COG5: variants seen among roughly 807,000 people sequenced by gnomAD.
The protein encoded by COG5 is component of oligomeric golgi complex 5.
Under a neutral mutation model 110.4 loss-of-function variants are expected in COG5, and 86 were observed. That is an observed-to-expected ratio of 0.78 (90% CI 0.65 to 0.93). COG5 has a LOEUF of 0.93. Ranked by LOEUF, COG5 falls within the 40% of genes least tolerant of loss-of-function variation. The pLI is 0.00. For missense variants in COG5, 1,077 were observed against 987.0 expected (o/e 1.09, Z -1.22); for synonymous variants, 360 against 334.6 (o/e 1.08, Z -0.83).
intron 6 of COG5, among the ~76,000 whole-genome samples, chr7:107,522,295 C>T (rs1800384659): frequency 6.6e-6 from 1 of 152,140 alleles, no homozygotes; most frequent in African/African-American, 2.4e-5. Flanking sequence ...ATGGAGAAGC[C>T]CTGTCTCTAC....
chr7:107,507,150 T>C (rs1223873052), intron 6 of COG5, among the ~76,000 whole-genome samples: 1 of 152,122 alleles, frequency 6.6e-6, no homozygotes, highest in Non-Finnish European at 1.5e-5. Flanking sequence ...TCTCTTCCAC[T>C]CTCACCCTCT....
At chr7:107,477,729 T>G (rs1310366500) in intron 6 of COG5, among the ~76,000 whole-genome samples, 2 of 151,890 alleles carry the variant, frequency 1.3e-5, no homozygotes. Flanking sequence ...GTGTTAAAAA[T>G]TTAGCTTCAA....
intron 6 of COG5, among the ~76,000 whole-genome samples, chr7:107,524,244 A>G (rs1207091600): frequency 1.3e-5 from 2 of 152,120 alleles, no homozygotes; most frequent in Non-Finnish European, 1.5e-5. Context: ...ATTCCAGAAC[A>G]TTTTCATCAC....
At chr7:107,207,490 C>T (rs550751841) in intron 21 of COG5, among the ~76,000 whole-genome samples, 1 of 152,134 alleles carries the variant, frequency 6.6e-6, no homozygotes, top group Non-Finnish European at 1.5e-5. Flanking sequence ...TACTCCTACT[C>T]AAAGAGGGCC....
chr7:107,415,036 T>A (rs1389752463), intron 6 of COG5, among the ~76,000 whole-genome samples: 1 of 152,110 alleles, frequency 6.6e-6, no homozygotes. Flanking sequence ...CACTGTCCCT[T>A]CTTTTACTAG....
chr7:107,222,803 G>C (rs1334979638), intron 19 of COG5, among the ~76,000 whole-genome samples: 7 of 152,132 alleles, frequency 4.6e-5, no homozygotes, highest in Non-Finnish European at 8.8e-5. Context: ...ATCATTCTTA[G>C]AGCATAATAT....
At chr7:107,378,328 A>G (rs969574232) in intron 7 of COG5, among the ~76,000 whole-genome samples, 2 of 152,190 alleles carry the variant, frequency 1.3e-5, no homozygotes, top group Non-Finnish European at 2.9e-5. Flanking sequence ...ACCAGCGCAA[A>G]AAGGTTGAAA....
chr7:107,246,028 T>C (rs1802028200), intron 17 of COG5, among the ~76,000 whole-genome samples: 1 of 152,068 alleles, frequency 6.6e-6, no homozygotes, highest in African/African-American at 2.4e-5. Context: ...CATAGACCAA[T>C]GGAACAGAAT....
intron 11 of COG5, among the ~76,000 whole-genome samples, chr7:107,308,009 T>G (rs1186662725): frequency 6.6e-6 from 1 of 152,222 alleles, no homozygotes; most frequent in African/African-American, 2.4e-5. Flanking sequence ...GTTAGGAATT[T>G]TTTAATGCTT....
At chr7:107,557,064 C>T (rs1188211306) in intron 2 of COG5, among the ~76,000 whole-genome samples, 4 of 152,138 alleles carry the variant, frequency 2.6e-5, no homozygotes, top group East Asian at 1.9e-4. Context: ...CCACTGCGCC[C>T]GGCCTAAACG....
chr7:107,282,714 G>A (rs1002877253), intron 13 of COG5, among the ~76,000 whole-genome samples: 17 of 151,928 alleles, frequency 1.1e-4, no homozygotes, highest in East Asian at 1.9e-4. Flanking sequence ...TAGAGATGGC[G>A]TTTCACCAGG....
At position 107,415,918 on chromosome 7, in the gene COG5, G is replaced by GTATA. The variant is rs1563021499; in HGVS notation, c.539-3287_539-3286insTATA. Among the ~76,000 whole-genome samples the GTATA allele has an allele frequency of 8.5e-5, 10 of 117,966 alleles. 2 individuals are homozygous for GTATA. The highest frequency in any genetic ancestry group is 3.1e-4 in the African/African-American group (9 of 28,988). 77.4% of individuals were successfully genotyped at this position (117,966 alleles called of 152,430 possible). On this transcript the variant is annotated intron_variant, in intron 6 of 21. Transcript: ENST00000297135. ...CACATACACGTATGTATGTATGTGT[G>GTATA]TGTATATACACACACATACACGTAT...
intron 5 of COG5, among the ~76,000 whole-genome samples, chr7:107,530,458 G>A (rs756728636): frequency 1.3e-5 from 2 of 152,050 alleles, no homozygotes; most frequent in Non-Finnish European, 2.9e-5. Flanking sequence ...AAAATTAGCT[G>A]GGTGTGGTGG....
At chr7:107,548,668 T>C (rs943206212) in intron 3 of COG5, among the ~76,000 whole-genome samples, 1 of 152,224 alleles carries the variant, frequency 6.6e-6, no homozygotes, top group African/African-American at 2.4e-5. Context: ...CTGAATTGTA[T>C]GTTTTAAAAT....
chr7:107,387,839 T>C (rs1438715166), intron 7 of COG5, among the ~76,000 whole-genome samples: 1 of 152,234 alleles, frequency 6.6e-6, no homozygotes, highest in Non-Finnish European at 1.5e-5. Flanking sequence ...GCTTACTCTG[T>C]TTATTTATTG....
At chr7:107,413,044 T>A (rs1158297109) in intron 6 of COG5, among the ~76,000 whole-genome samples, 1 of 151,704 alleles carries the variant, frequency 6.6e-6, no homozygotes, top group Non-Finnish European at 1.5e-5. Context: ...CTCAATACAC[T>A]GCTCAGGCTG....
At chr7:107,461,139 T>A (rs954355387) in intron 6 of COG5, among the ~76,000 whole-genome samples, 4 of 151,926 alleles carry the variant, frequency 2.6e-5, no homozygotes, top group African/African-American at 9.7e-5. Context: ...AATATTAAAA[T>A]AAAAGAAAAT....
intron 7 of COG5, among the ~76,000 whole-genome samples, chr7:107,381,400 T>A (rs1418842593): frequency 6.6e-6 from 1 of 152,226 alleles, no homozygotes; most frequent in Non-Finnish European, 1.5e-5. Context: ...TTGTAAATAT[T>A]GCTAACATAT....
At chr7:107,413,537 C>G (rs1253874255) in intron 6 of COG5, among the ~76,000 whole-genome samples, 1 of 136,472 alleles carries the variant, frequency 7.3e-6, no homozygotes, top group Non-Finnish European at 1.5e-5. Context: ...GAAAAAAACA[C>G]AACAAAAAAA....
Sources: allele counts gnomAD v4.1 joint callset (sites outside exome capture counted in the v4.1 genomes callset), GRCh38; gene constraint gnomAD v4.1.1; transcripts MANE v1.5; gene names NCBI Gene and HGNC (gene_info 2026-07-23, HGNC 2026-07-21).